Variants in FAR2 observed in about 807,000 individuals in gnomAD.
FAR2 encodes the protein fatty acyl-CoA reductase 2, also known as epididymis secretory protein Li 81.
Under a neutral mutation model 56.0 loss-of-function variants are expected in FAR2, and 19 were observed. The ratio of observed to expected loss-of-function variants is 0.34; its 90% CI spans 0.24 to 0.50. The LOEUF (loss-of-function observed/expected upper bound fraction) is 0.50, where lower values mean the gene tolerates loss of function less well. Among genes scored for constraint, FAR2 ranks in the 20% least tolerant of loss-of-function variants. FAR2 has a pLI of 0.98. For synonymous variants in FAR2, 219 were observed against 218.8 expected (o/e 1.00, Z -0.01); for missense variants, 508 against 642.2 (o/e 0.79, Z 2.26).
At chr12:29,230,047 G>T (rs549449565) in intron 1 of FAR2, among the ~76,000 whole-genome samples, 6 of 152,206 alleles carry the variant, frequency 3.9e-5, no homozygotes, top group African/African-American at 1.4e-4. Context: ...TTATGTTTTA[G>T]TTGAAGGAAA....
At chr12:29,154,687 A>C (rs1208831391) in intron 1 of FAR2, among the ~76,000 whole-genome samples, 1 of 152,094 alleles carries the variant, frequency 6.6e-6, no homozygotes, top group African/African-American at 2.4e-5. Context: ...CCTGCCTCAA[A>C]GTGCTGGGAT....
intron 1 of FAR2, among the ~76,000 whole-genome samples, chr12:29,153,205 C>T (rs758713248): frequency 5.3e-5 from 8 of 152,050 alleles, no homozygotes; most frequent in Non-Finnish European, 1.2e-4. Flanking sequence ...TGGGAAGTAG[C>T]GTGGAGAAGA....
chr12:29,315,691 G>C (rs1224320533), intron 8 of FAR2, among the ~76,000 whole-genome samples: 1 of 152,142 alleles, frequency 6.6e-6, no homozygotes, highest in African/African-American at 2.4e-5. Flanking sequence ...GGTTGTTAAA[G>C]AGAAGAATCA....
intron 2 of FAR2, among the ~76,000 whole-genome samples, chr12:29,274,744 G>A (rs4277150): frequency 6.7e-6 from 1 of 150,280 alleles, no homozygotes; most frequent in East Asian, 2.0e-4. Flanking sequence ...CAAAATCTCC[G>A]CCACTGAGTA....
intron 1 of FAR2, among the ~76,000 whole-genome samples, chr12:29,192,331 G>A (rs1254072535): frequency 1.3e-5 from 2 of 152,110 alleles, no homozygotes; most frequent in Admixed American, 1.3e-4. Flanking sequence ...GTGAACAATT[G>A]GACGCATGAA....
At chr12:29,329,145 T>G (rs1363450046) in intron 10 of FAR2, among the ~76,000 whole-genome samples, 3 of 152,216 alleles carry the variant, frequency 2.0e-5, no homozygotes, top group Admixed American at 6.5e-5. Context: ...TATTCAGAAA[T>G]GTTTACATAT....
intron 10 of FAR2, among the ~76,000 whole-genome samples, chr12:29,322,189 T>A (rs1182495650): frequency 6.6e-6 from 1 of 152,248 alleles, no homozygotes; most frequent in Non-Finnish European, 1.5e-5. Context: ...TGCACTTCAA[T>A]CGTTTTGTCA....
rs61236613 is a variant in FAR2 at position 29,311,666 on chromosome 12, T to TCACACACA, written c.888-196_888-189dup. On this transcript the variant is annotated intron_variant, in intron 7 of 11. Transcript: ENST00000536681. The stretch of plus-strand genomic sequence containing the variant: ...ATGTCACTCCTATTTAACATCTCTT[T>TCACACACA]CACACACACACACACACACACACAC... Among the ~76,000 whole-genome samples the TCACACACA allele has an allele frequency of 6.7e-3, 987 of 147,520 alleles. 6 individuals are homozygous for TCACACACA. The highest frequency in any genetic ancestry group is 0.014 in the African/African-American group (565 of 40,242).
At chr12:29,325,985 C>CA (rs1439546758) in intron 10 of FAR2, among the ~76,000 whole-genome samples, 3 of 151,942 alleles carry the variant, frequency 2.0e-5, no homozygotes, top group African/African-American at 7.3e-5. Context: ...AAAAGATCAA[C>CA]AAAATTGATA....
rs374717109 is a variant in FAR2 at position 29,197,499 on chromosome 12, G to T, written c.-39+48092G>T. Among the ~76,000 whole-genome samples the T allele has an allele frequency of 7.2e-5, 11 of 152,230 alleles. No homozygotes were observed. The East Asian group carries it at 1.7e-3, about 24-fold the overall frequency. ...AATCTTCCAACAACTTATGATAGGGGTATTAATCCCATTTCGTTGATGAGT... is the reference window on the plus strand; with the variant it reads ...AATCTTCCAACAACTTATGATAGGGTTATTAATCCCATTTCGTTGATGAGT... On this transcript the variant is annotated intron_variant, in intron 1 of 11. Transcript: ENST00000536681.
At chr12:29,266,541 A>G (rs976244436) in intron 1 of FAR2, among the ~76,000 whole-genome samples, 1 of 152,088 alleles carries the variant, frequency 6.6e-6, no homozygotes, top group Non-Finnish European at 1.5e-5. Flanking sequence ...AATGGGAACA[A>G]AAATACAATT....
intron 4 of FAR2, among the ~76,000 whole-genome samples, chr12:29,300,463 C>A (rs1009432823): frequency 3.9e-5 from 6 of 152,100 alleles, no homozygotes; most frequent in African/African-American, 1.4e-4. Flanking sequence ...TCACCTAAAT[C>A]CAGGTTTAGT....
In FAR2 at chr12:29,270,527, G is replaced by A. The variant is rs2216854; in HGVS notation, c.78G>A (p.Leu26=). The A allele has an allele frequency of 0.38, 613,570 of 1,612,600 alleles. 119,980 individuals are homozygous for A. Among genetic ancestry groups the A allele is most frequent in the African/African-American group, 0.59 (44,521 of 74,888 alleles). Residue 26 remains leucine (L), a synonymous_variant, in exon 2 of 12, where the codon CTG becomes CTA. Transcript: ENST00000536681. ...TGATGFLGKV[L]MEKLFRTSPD... ...CCACAGGCTTTCTGGGCAAAGTGCT[G>A]ATGGAGAAGCTGTTTCGCACCAGCC... is the stretch of plus-strand genomic sequence containing the variant.
intron 1 of FAR2, among the ~76,000 whole-genome samples, chr12:29,255,074 C>G (rs10743652): frequency 0.59 from 89,953 of 152,000 alleles, 27,809 homozygotes; most frequent in African/African-American, 0.78. Context: ...GTGTGTATTA[C>G]TTTGCTTGGA....
At chr12:29,240,846 C>T (rs1291446183) in intron 1 of FAR2, among the ~76,000 whole-genome samples, 3 of 151,968 alleles carry the variant, frequency 2.0e-5, no homozygotes. Flanking sequence ...CATTCCATCA[C>T]CCAGGCTAGA....
chr12:29,203,931 C>A (rs1036611903), intron 1 of FAR2, among the ~76,000 whole-genome samples: 1 of 125,922 alleles, frequency 7.9e-6, no homozygotes, highest in East Asian at 2.7e-4. Flanking sequence ...ACCTGGGAGG[C>A]GGAGCTTGCA....
In FAR2 at chr12:29,298,600, G is replaced by C. The variant is rs143661121; in HGVS notation, c.545+1400G>C. ...AATGGAGGTTTGCTAAATTGGTACA[G>C]AGAAAAATTTTAGAGTGCAGAGTTC... On this transcript the variant is annotated intron_variant, in intron 4 of 11. Coordinates refer to ENST00000536681, the MANE Select transcript of FAR2 (RefSeq NM_001271783.2). Among the ~76,000 whole-genome samples the C allele has an allele frequency of 5.5e-3, 832 of 152,272 alleles. 10 individuals carry two copies. The highest frequency in any genetic ancestry group is 0.019 in the African/African-American group (806 of 41,560).
At chr12:29,159,619 T>A (rs1249114760) in intron 1 of FAR2, among the ~76,000 whole-genome samples, 2 of 151,572 alleles carry the variant, frequency 1.3e-5, no homozygotes, top group African/African-American at 4.9e-5. Flanking sequence ...CAGAAAACAA[T>A]GTTCTTGATT....
chr12:29,332,522 G>A (rs1261574193), intron 10 of FAR2, 78 bp from the exon 11 acceptor site: 2 of 1,591,588 alleles, frequency 1.3e-6, no homozygotes, highest in South Asian at 1.1e-5. Flanking sequence ...ACTCGTCTAT[G>A]TAGAAGAAAC....
Sources: gnomAD v4.1 joint callset for allele counts (sites outside exome capture counted in the v4.1 genomes callset) on GRCh38, gnomAD v4.1.1 for gene constraint, MANE v1.5 for transcripts, NCBI Gene and HGNC (gene_info 2026-07-23, HGNC 2026-07-21) for gene names.